SEC14L1: variants seen among roughly 807,000 people sequenced by gnomAD.
The protein encoded by SEC14L1 is SEC14 like lipid binding 1.
Under a neutral mutation model 85.3 loss-of-function variants are expected in SEC14L1, and 48 were observed. The observed-to-expected ratio is 0.56, with a 90% CI of 0.45 to 0.72. The LOEUF (loss-of-function observed/expected upper bound fraction) is 0.72. Ranked by LOEUF, SEC14L1 falls within the 30% of genes least tolerant of loss-of-function variation. SEC14L1 has a pLI of 0.00. For missense variants in SEC14L1, 682 were observed against 921.4 expected (o/e 0.74, Z 3.36); for synonymous variants, 391 against 355.5 (o/e 1.10, Z -1.12).
exon 1 of SEC14L1, chr17:77,088,889 C>T (rs919059968): frequency 1.3e-5 from 2 of 157,772 alleles, no homozygotes; most frequent in African/African-American, 4.8e-5. Context: ...TGACCAGAGA[C>T]CCAGAGACCA....
Position 77,193,476 on chromosome 17 carries a change from T to A in SEC14L1, c.401T>A (p.Ile134Asn). The change falls in exon 6 of 17, where the codon ATT (isoleucine) becomes AAT (asparagine). Residue 134 changes from isoleucine (I) to asparagine (N), a missense_variant. Ile to Asn is a moderately radical substitution (Grantham distance 149, BLOSUM62 -3). Around this residue, in one of 3 missense-constraint regions of SEC14L1, gnomAD observed 139 missense variants for 201.3 expected, o/e 0.69. Coordinates refer to ENST00000436233, the MANE Select transcript of SEC14L1 (RefSeq NM_001143998.2). ...TCFEQSASLD[I>N]KSFFGFESTV... The stretch of plus-strand genomic sequence containing the variant: ...TTTGAACAGTCTGCAAGTTTAGATA[T>A]TAAATCTTTCTTTGGTTTTGAAAGT... The A allele has an allele frequency of 6.2e-7, 1 of 1,612,996 alleles. No homozygotes were observed. The highest frequency in any genetic ancestry group is 8.5e-7 in the Non-Finnish European group (1 of 1,179,170).
chr17:77,190,776 C>A (rs747736632), intron 3 of SEC14L1, 27 bp from the exon 4 acceptor site: 1 of 1,613,174 alleles, frequency 6.2e-7, no homozygotes, highest in Non-Finnish European at 8.5e-7. Context: ...TTGCTCACTT[C>A]TGCTTTCTTG....
chr17:77,186,360 T>C (rs1298925633), intron 3 of SEC14L1, among the ~76,000 whole-genome samples: 2 of 152,246 alleles, frequency 1.3e-5, no homozygotes, highest in Non-Finnish European at 2.9e-5. Flanking sequence ...TCGCTGGCTG[T>C]GAACAGACCC....
chr17:77,204,531 T>A (rs982688165), intron 10 of SEC14L1, among the ~76,000 whole-genome samples: 2 of 146,326 alleles, frequency 1.4e-5, no homozygotes, highest in Non-Finnish European at 3.0e-5. Context: ...GCTTTTTTTT[T>A]TTTTTTTTTT....
At chr17:77,140,390 G>A (rs1044645988), upstream of SEC14L1, among the ~76,000 whole-genome samples, 2 of 152,214 alleles carry the variant, frequency 1.3e-5, no homozygotes, top group East Asian at 1.9e-4. Context: ...GCGCAGCACC[G>A]GCGTCCGCCT....
intron 3 of SEC14L1, among the ~76,000 whole-genome samples, chr17:77,173,549 C>CT (rs1301841102): frequency 6.6e-6 from 1 of 152,096 alleles, no homozygotes; most frequent in Non-Finnish European, 1.5e-5. Context: ...AGGCCCCTGC[C>CT]GTCAGCACAG....
Position 77,213,551 on chromosome 17 carries a change from C to A in SEC14L1, c.2042+59C>A, listed in dbSNP as rs1270756992. ...ACAGCTGGGCATGGTTGGAGGGAGC[C>A]TGCAGTCCCACGCCGTGTGCAGGAT... On this transcript the variant is annotated intron_variant, in intron 16 of 16. Coordinates refer to ENST00000436233, the MANE Select transcript of SEC14L1 (RefSeq NM_001143998.2). This position sits in a 1 kb window ranked among gnomAD's most constrained non-coding sequence, Gnocchi z 7.1. The A allele has an allele frequency of 1.9e-6, 3 of 1,583,270 alleles. No individual in the cohort carries two copies. The highest frequency in any genetic ancestry group is 1.7e-4 in the Middle Eastern group (1 of 6,034).
At chr17:77,159,959 T>A (rs1973990856) in intron 3 of SEC14L1, among the ~76,000 whole-genome samples, 1 of 152,212 alleles carries the variant, frequency 6.6e-6, no homozygotes, top group Non-Finnish European at 1.5e-5. Flanking sequence ...TACCCCCTGT[T>A]AAGTGTTCAA....
chr17:77,144,409 T>C (rs1035336880), intron 3 of SEC14L1, among the ~76,000 whole-genome samples: 1 of 152,148 alleles, frequency 6.6e-6, no homozygotes, highest in African/African-American at 2.4e-5. Context: ...TCTCCCCTGG[T>C]TCAAGTGAGC....
At chr17:77,111,529 C>T (rs1178407193) in intron 3 of SEC14L1, among the ~76,000 whole-genome samples, 1 of 151,988 alleles carries the variant, frequency 6.6e-6, no homozygotes, top group Admixed American at 6.6e-5. Context: ...CCCAAAAAGC[C>T]ACAGGGATGG....
rs368037201 is a variant in SEC14L1 at position 77,216,214 on chromosome 17, A to C, written c.*2191A>C. On this transcript the variant is annotated 3_prime_UTR_variant, in exon 17 of 17. Transcript: ENST00000436233. ...GTAGGTAGGGCTAGTAGGTAGGGCT[A>C]GTAGGTAGGGTTCGTAGGTAGGGTT... 2.0e-4 allele frequency: 198 copies of C among 984,424 alleles called. 4 individuals are homozygous for C. Among genetic ancestry groups the C allele is most frequent in the Admixed American group, 1.3e-3 (17 of 13,540 alleles). The allele number at this position is 984,424 out of a possible 1,614,324, so 61.0% of individuals were successfully genotyped here. A position where few individuals can be genotyped will look rare whatever the true frequency, so the allele number is the denominator to read the frequency against.
chr17:77,185,499 C>A, intron 3 of SEC14L1: 1 of 430,666 alleles, frequency 2.3e-6, no homozygotes, highest in Non-Finnish European at 3.1e-6. Context: ...ACACCTTATG[C>A]TGACCACTCT....
chr17:77,134,527 G>T (rs1972729248), intron 3 of SEC14L1, among the ~76,000 whole-genome samples: 1 of 152,012 alleles, frequency 6.6e-6, no homozygotes. Context: ...GACCACCCTG[G>T]CCAACATGGT....
chr17:77,183,462 CT>C (rs1975135207), intron 3 of SEC14L1, among the ~76,000 whole-genome samples: 1 of 152,188 alleles, frequency 6.6e-6, no homozygotes, highest in South Asian at 2.1e-4. Context: ...AGATATTCTT[CT>C]GTCTAGCTGT....
At chr17:77,137,629 C>T (rs1972835715), upstream of SEC14L1, among the ~76,000 whole-genome samples, 1 of 149,026 alleles carries the variant, frequency 6.7e-6, no homozygotes, top group South Asian at 2.1e-4. Context: ...AGACCACCTG[C>T]ATCCACACAG....
chr17:77,113,141 A>T (rs900379124), intron 3 of SEC14L1, among the ~76,000 whole-genome samples: 8 of 152,216 alleles, frequency 5.3e-5, no homozygotes, highest in Admixed American at 3.9e-4. Flanking sequence ...CCCAGACATT[A>T]GAGCAAGACC....
intron 2 of SEC14L1, among the ~76,000 whole-genome samples, chr17:77,090,497 T>C (rs1971487252): frequency 7.6e-6 from 1 of 132,040 alleles, no homozygotes; most frequent in South Asian, 2.4e-4. Flanking sequence ...TCTATGTTTT[T>C]TAATTATTAA....
In SEC14L1 at chr17:77,215,521, G is replaced by A. The variant is rs967697375; in HGVS notation, c.*1498G>A. The A allele has an allele frequency of 1.3e-5, 13 of 986,374 alleles. No homozygotes were observed. The highest frequency in any genetic ancestry group is 1.1e-4 in the East Asian group (1 of 8,834). The allele number at this position is 986,374 out of a possible 1,614,324, so 61.1% of individuals were successfully genotyped here. Reference sequence around the variant, plus strand: ...GCTGTGTGGAGGCCATGTGTGCCCCGTGCAGGGATCAGGAGGGCGGGGGAG... The same window carrying A: ...GCTGTGTGGAGGCCATGTGTGCCCCATGCAGGGATCAGGAGGGCGGGGGAG... On this transcript the variant is annotated 3_prime_UTR_variant, in exon 17 of 17. Coordinates refer to ENST00000436233, the MANE Select transcript of SEC14L1 (RefSeq NM_001143998.2).
Position 77,215,274 on chromosome 17 carries a change from T to C in SEC14L1, c.*1251T>C. ...ACAGGCCCTTATTTTTTCAGCTTTT[T>C]ATGGGAAAAGCAGGTTATTTGAGAA... On this transcript the variant is annotated 3_prime_UTR_variant, in exon 17 of 17. Coordinates refer to ENST00000436233, the MANE Select transcript of SEC14L1 (RefSeq NM_001143998.2). The C allele has an allele frequency of 1.0e-6, 1 of 985,422 alleles. No individual in the cohort carries two copies. Among genetic ancestry groups the C allele is most frequent in the South Asian group, 4.7e-5 (1 of 21,292 alleles). 61.0% of individuals were successfully genotyped at this position (985,422 alleles called of 1,614,324 possible).
Sources: gnomAD v4.1 joint callset for allele counts (sites outside exome capture counted in the v4.1 genomes callset) on GRCh38, gnomAD v4.1.1 for gene constraint, gnomAD v4.1.1 regional missense constraint, Gnocchi (gnomAD v3.1) non-coding constraint, MANE v1.5 for transcripts, NCBI Gene and HGNC (gene_info 2026-07-23, HGNC 2026-07-21) for gene names.